WWC2: variants seen among roughly 807,000 people sequenced by gnomAD.
WWC2 encodes the protein protein WWC2.
A neutral mutation model predicts 138.5 loss-of-function variants in WWC2; 101 were observed. The observed-to-expected ratio is 0.73, with a 90% CI of 0.62 to 0.86. The LOEUF is 0.86. WWC2 is among the 40% of genes least tolerant of loss of function. The probability of loss-of-function intolerance (pLI) is 0.00; values close to 1 mark genes in which losing one functional copy is unlikely to be tolerated. For synonymous variants in WWC2, 558 were observed against 538.4 expected (o/e 1.04, Z -0.50); for missense variants, 1,420 against 1,419.4 (o/e 1.00, Z -0.01).
At chr4:183,114,733 G>A (rs1389276216) in intron 1 of WWC2, among the ~76,000 whole-genome samples, 1 of 151,966 alleles carries the variant, frequency 6.6e-6, no homozygotes, top group Admixed American at 6.6e-5. Flanking sequence ...TGTTAATGTG[G>A]GTAGATAGTG....
chr4:183,320,194 C>T lies in WWC2; in HGVS notation c.*4465C>T. On this transcript the variant is annotated 3_prime_UTR_variant, in exon 23 of 23. Coordinates refer to ENST00000403733, the MANE Select transcript of WWC2 (RefSeq NM_024949.6). Reference sequence around the variant, plus strand: ...GATAATGAAACTCCAGCTAGTTGAGCTACAGTTCTAAATACTAAAGCCATT... The same window carrying T: ...GATAATGAAACTCCAGCTAGTTGAGTTACAGTTCTAAATACTAAAGCCATT... 6.2e-7 allele frequency: 1 copy of T among 1,613,992 alleles called. No individual in the cohort carries two copies. Among genetic ancestry groups the T allele is most frequent in the Non-Finnish European group, 8.5e-7 (1 of 1,179,974 alleles).
chr4:183,205,498 A>G (rs1173650722), intron 2 of WWC2, among the ~76,000 whole-genome samples: 2 of 151,988 alleles, frequency 1.3e-5, no homozygotes, highest in African/African-American at 4.8e-5. Context: ...TATGGGCCAT[A>G]TTTTTGTGCT....
At chr4:183,103,932 C>G (rs1190324071) in intron 1 of WWC2, among the ~76,000 whole-genome samples, 2 of 152,098 alleles carry the variant, frequency 1.3e-5, no homozygotes, top group South Asian at 2.1e-4. Flanking sequence ...CCACGCCCGG[C>G]CTGGCCTTGT....
chr4:183,296,748 G>A (rs1005322516), intron 21 of WWC2, among the ~76,000 whole-genome samples: 1 of 151,522 alleles, frequency 6.6e-6, no homozygotes, highest in African/African-American at 2.4e-5. Context: ...CCTGGCTAAC[G>A]CGGTGAAACC....
At chr4:183,277,906 A>AT (rs1409263695) in intron 16 of WWC2, among the ~76,000 whole-genome samples, 6 of 150,374 alleles carry the variant, frequency 4.0e-5, no homozygotes, top group Non-Finnish European at 8.9e-5. Context: ...GGTTGCAAAA[A>AT]TTTTCTCCCA....
At chr4:183,185,687 T>G (rs865917927) in intron 1 of WWC2, among the ~76,000 whole-genome samples, 2 of 152,174 alleles carry the variant, frequency 1.3e-5, no homozygotes, top group South Asian at 4.1e-4. Flanking sequence ...CGGCAGAGCT[T>G]GCAACCACTA....
intron 14 of WWC2, 37 bp from the exon 15 acceptor site, chr4:183,268,934 G>T (rs747340846): frequency 9.0e-6 from 14 of 1,559,364 alleles, no homozygotes; most frequent in Non-Finnish European, 1.0e-5. Flanking sequence ...TATAATTAAA[G>T]TACCTATGAA....
intron 1 of WWC2, among the ~76,000 whole-genome samples, chr4:183,136,178 A>G (rs1733107395): frequency 6.6e-6 from 1 of 152,148 alleles, no homozygotes; most frequent in Non-Finnish European, 1.5e-5. Flanking sequence ...AAGGCTTTAC[A>G]TAGTATCTCT....
intron 4 of WWC2, among the ~76,000 whole-genome samples, chr4:183,224,018 C>T (rs1379513073): frequency 2.6e-5 from 4 of 152,194 alleles, no homozygotes; most frequent in Non-Finnish European, 5.9e-5. Flanking sequence ...AGGTGTGTGC[C>T]ACCGCACCCA....
chr4:183,125,638 C>T (rs1732735336), intron 1 of WWC2, among the ~76,000 whole-genome samples: 1 of 152,108 alleles, frequency 6.6e-6, no homozygotes, highest in Admixed American at 6.5e-5. Flanking sequence ...AACATTAAGC[C>T]CTTTGAAAAC....
intron 16 of WWC2, 117 bp downstream of exon 16, chr4:183,271,358 A>G (rs1737690295): frequency 1.3e-6 from 1 of 794,850 alleles, no homozygotes. Flanking sequence ...TATCACTTTC[A>G]CTGTCCTTCC....
In WWC2 at chr4:183,320,452, G is replaced by A; in HGVS notation, c.*4723G>A. The A allele has an allele frequency of 1.8e-6, 1 of 553,696 alleles. No individual in the cohort carries two copies. The highest frequency in any genetic ancestry group is 3.5e-5 in the Admixed American group (1 of 28,206). 34.3% of individuals were successfully genotyped at this position (553,696 alleles called of 1,614,324 possible). ...CCAAGGTGTGGCCAAGATTGTGTTT[G>A]TGTCCTGTGGGCTGGATTTGACAGA... On this transcript the variant is annotated 3_prime_UTR_variant, in exon 23 of 23. Transcript: ENST00000403733.
At chr4:183,152,710 T>C (rs1424424330) in intron 1 of WWC2, among the ~76,000 whole-genome samples, 1 of 151,568 alleles carries the variant, frequency 6.6e-6, no homozygotes, top group African/African-American at 2.4e-5. Flanking sequence ...TGGTGAAACC[T>C]GTCTTTACTA....
At chr4:183,268,122 G>C (rs1049543270) in intron 14 of WWC2, among the ~76,000 whole-genome samples, 1 of 152,156 alleles carries the variant, frequency 6.6e-6, no homozygotes, top group Non-Finnish European at 1.5e-5. Flanking sequence ...ACATTCCTCA[G>C]TTCTGCATTT....
chr4:183,133,076 C>CTTCCCCTTTTCTTTTTCCTTCCCTT, intron 1 of WWC2, among the ~76,000 whole-genome samples: 1 of 132,542 alleles, frequency 7.5e-6, no homozygotes, highest in Non-Finnish European at 1.6e-5. Context: ...TTCCTTCCCT[C>CTTCCCCTTTTCTTTTTCCTTCCCTT]TTCCCTTACC....
intron 1 of WWC2, among the ~76,000 whole-genome samples, chr4:183,121,324 G>A (rs770562204): frequency 1.4e-4 from 22 of 151,742 alleles, no homozygotes; most frequent in Non-Finnish European, 2.9e-4. Flanking sequence ...GCTTGGGACC[G>A]GAAGTGTTTC....
chr4:183,315,452 C>T (rs772222881), intron 22 of WWC2, among the ~76,000 whole-genome samples: 2 of 152,104 alleles, frequency 1.3e-5, no homozygotes, highest in African/African-American at 2.4e-5. Flanking sequence ...AGGTGACTTC[C>T]GTGATCCAGA....
chr4:183,150,552 A>T (rs1317968991), intron 1 of WWC2, among the ~76,000 whole-genome samples: 1 of 152,124 alleles, frequency 6.6e-6, no homozygotes, highest in Non-Finnish European at 1.5e-5. Flanking sequence ...TAAACTTTTT[A>T]AAATTATTAT....
intron 6 of WWC2, among the ~76,000 whole-genome samples, 188 bp downstream of exon 6, chr4:183,245,733 T>C (rs1296379591): frequency 6.6e-6 from 1 of 152,034 alleles, no homozygotes; most frequent in East Asian, 1.9e-4. Context: ...GAGAGCAGAG[T>C]GATTCCAACT....
Sources: gnomAD v4.1 joint callset for allele counts (sites outside exome capture counted in the v4.1 genomes callset) on GRCh38, gnomAD v4.1.1 for gene constraint, MANE v1.5 for transcripts, NCBI Gene and HGNC (gene_info 2026-07-23, HGNC 2026-07-21) for gene names.